Variants in GRAMD1B observed in about 807,000 individuals in gnomAD.
GRAMD1B encodes GRAM domain containing 1B.
GRAMD1B carries 37 observed loss-of-function variants against 99.7 expected under a neutral mutation model. The observed-to-expected ratio is 0.37, with a 90% confidence interval of 0.29 to 0.49. GRAMD1B has a LOEUF of 0.49. GRAMD1B is among the 20% of genes least tolerant of loss of function. GRAMD1B has a pLI of 0.98. For missense variants in GRAMD1B, 888 were observed against 1,009.2 expected, an observed-to-expected ratio of 0.88 and a Z score of 1.63; for synonymous variants, 427 against 387.6, an observed-to-expected ratio of 1.10 and a Z score of -1.19.
At chr11:123,395,624 T>C (rs755154191) in intron 1 of GRAMD1B, among the ~76,000 whole-genome samples, 1 of 152,220 alleles carries the variant, frequency 6.6e-6, no homozygotes, top group Non-Finnish European at 1.5e-5. Flanking sequence ...TTTTCAATCT[T>C]AGCTTTCCAT....
chr11:123,566,567 C>T (rs1192142268), intron 2 of GRAMD1B, among the ~76,000 whole-genome samples: 1 of 152,108 alleles, frequency 6.6e-6, no homozygotes. Context: ...GAGATCGAGA[C>T]CATCCTGGCT....
At chr11:123,455,643 A>G (rs1032420432) in intron 1 of GRAMD1B, among the ~76,000 whole-genome samples, 3 of 152,156 alleles carry the variant, frequency 2.0e-5, no homozygotes, top group Admixed American at 2.0e-4. Flanking sequence ...CTCTGCCCTT[A>G]ACATATTTTT....
At chr11:123,404,199 C>T (rs548808960) in intron 1 of GRAMD1B, among the ~76,000 whole-genome samples, 48 of 152,180 alleles carry the variant, frequency 3.2e-4, no homozygotes, top group Non-Finnish European at 5.1e-4. Context: ...TTGAGAAGCA[C>T]GTAATGCCTG....
intron 1 of GRAMD1B, 94 bp downstream of exon 1, chr11:123,431,260 G>A: frequency 1.7e-6 from 1 of 600,850 alleles, no homozygotes; most frequent in African/African-American, 1.9e-5. Context: ...ACGTCCTGGG[G>A]GAGAACAGGA....
chr11:123,487,936 C>T (rs1591683024), intron 2 of GRAMD1B, among the ~76,000 whole-genome samples: 2 of 152,152 alleles, frequency 1.3e-5, no homozygotes, highest in African/African-American at 4.8e-5. Context: ...AAACTGAGCA[C>T]CCGAGTGTCT....
chr11:123,498,122 C>A (rs987232950), intron 2 of GRAMD1B, among the ~76,000 whole-genome samples: 1 of 152,172 alleles, frequency 6.6e-6, no homozygotes, highest in East Asian at 1.9e-4. Context: ...GGGACCCACC[C>A]TTCAGGGCAG....
chr11:123,480,377 C>A (rs1796901051), intron 1 of GRAMD1B, among the ~76,000 whole-genome samples: 1 of 152,110 alleles, frequency 6.6e-6, no homozygotes, highest in Non-Finnish European at 1.5e-5. Context: ...GAATCTCCCT[C>A]CTCCCACACA....
intron 2 of GRAMD1B, among the ~76,000 whole-genome samples, chr11:123,485,582 T>C (rs1358761547): frequency 6.6e-5 from 10 of 152,210 alleles, no homozygotes; most frequent in Non-Finnish European, 1.5e-5. Context: ...GGGTTGATTT[T>C]TATGAAAATG....
chr11:123,492,756 A>C lies in GRAMD1B; in HGVS notation c.452+11863A>C, dbSNP rs1017751539. Among the ~76,000 whole-genome samples the C allele has an allele frequency of 6.6e-6, 1 of 152,116 alleles. No individual in the cohort carries two copies. The highest frequency in any genetic ancestry group is 1.5e-5 in the Non-Finnish European group (1 of 68,018). On this transcript the variant is annotated intron_variant, in intron 2 of 19. Coordinates refer to ENST00000635736, the MANE Select transcript of GRAMD1B (RefSeq NM_001387025.1). The surrounding 1 kb of genome is among the most constrained non-coding windows in gnomAD (Gnocchi z 4.2). ...ATGAAGTGAGGAGAGAAAAGGAAGG[A>C]GAAAGGCAGAAAGAGGGGCCAAATG...
At position 123,610,014 on chromosome 11, in the gene GRAMD1B, G is replaced by A; in HGVS notation, c.1776+101G>A. ...GTCAGGAAGAAGTTTCAGGGCGCAA[G>A]TGTCATTTTGCCCCAAAGCGGTGGT... On this transcript the variant is annotated intron_variant, in intron 13 of 19. Transcript: ENST00000635736. This position sits in a 1 kb window ranked among gnomAD's most constrained non-coding sequence, Gnocchi z 4.1. 1 of 855,710 alleles carries A rather than the reference G, an allele frequency of 1.2e-6. No individual in the cohort carries two copies. Among genetic ancestry groups the A allele is most frequent in the East Asian group, 2.7e-5 (1 of 37,624 alleles). 53.0% of individuals were successfully genotyped at this position (855,710 alleles called of 1,614,324 possible). A position where few individuals can be genotyped will look rare whatever the true frequency, so the allele number is the denominator to read the frequency against.
At chr11:123,422,614 A>G (rs1389254795) in intron 1 of GRAMD1B, among the ~76,000 whole-genome samples, 2 of 152,208 alleles carry the variant, frequency 1.3e-5, no homozygotes, top group Admixed American at 6.5e-5. Context: ...TACATTCATT[A>G]TGCTCCAAAT....
In GRAMD1B at chr11:123,613,491, C is replaced by T; in HGVS notation, c.2060C>T (p.Ala687Val). The T allele has an allele frequency of 6.2e-7, 1 of 1,612,810 alleles. No homozygotes were observed. Among genetic ancestry groups the T allele is most frequent in the Non-Finnish European group, 8.5e-7 (1 of 1,179,464 alleles). The change falls in exon 16 of 20, where the codon GCT becomes GTT. Residue 687 changes from alanine to valine, a missense_variant. Ala to Val is a moderately conservative substitution (Grantham distance 64). Transcript: ENST00000635736. Reference protein sequence around the residue: ...ELAKTESTYLAEMHRQSPKEK... With the variant: ...ELAKTESTYLVEMHRQSPKEK... ...GCCAAAACGGAGAGCACTTATTTGG[C>T]TGAGATGCACAGACAATCTCCCAAA...
intron 2 of GRAMD1B, among the ~76,000 whole-genome samples, chr11:123,505,701 G>A (rs926277826): frequency 9.9e-5 from 15 of 152,260 alleles, no homozygotes; most frequent in East Asian, 3.9e-4. Context: ...CAGAATTCAA[G>A]CTGAAACTCT....
chr11:123,499,347 C>T (rs573328274), intron 2 of GRAMD1B, among the ~76,000 whole-genome samples: 119 of 152,258 alleles, frequency 7.8e-4, no homozygotes, highest in African/African-American at 2.7e-3. Context: ...CAGAACTATA[C>T]GAAATAAATT....
At chr11:123,545,870 A>G (rs1273359741) in intron 2 of GRAMD1B, among the ~76,000 whole-genome samples, 5 of 152,226 alleles carry the variant, frequency 3.3e-5, no homozygotes, top group Non-Finnish European at 7.3e-5. Context: ...ATGACCAGCA[A>G]TTCTCTGAGC....
At chr11:123,537,066 A>ATTGT (rs1316582849) in intron 2 of GRAMD1B, among the ~76,000 whole-genome samples, 5 of 152,112 alleles carry the variant, frequency 3.3e-5, no homozygotes, top group Non-Finnish European at 5.9e-5. Context: ...TCTTGAATTA[A>ATTGT]TTGTTTGTTT....
At chr11:123,512,854 T>A (rs75730102) in intron 2 of GRAMD1B, among the ~76,000 whole-genome samples, 2,185 of 152,158 alleles carry the variant, frequency 0.014, 76 homozygotes, top group African/African-American at 0.05. Context: ...GTAGGCAGAA[T>A]TTTGTATCTC....
chr11:123,568,204 A>G (rs1947614378), intron 2 of GRAMD1B, among the ~76,000 whole-genome samples: 1 of 152,226 alleles, frequency 6.6e-6, no homozygotes, highest in African/African-American at 2.4e-5. Context: ...GCCCTGAATT[A>G]TCTACACAGT....
rs192226546 is a variant in GRAMD1B, at chr11:123,624,666, C to T, written c.*2071C>T. ...GGTGCAGACTGCTGGAAATCTCCCC[C>T]TTGGCACAGCCAGAAGCCAAAACTA... On this transcript the variant is annotated 3_prime_UTR_variant, in exon 20 of 20. Coordinates refer to ENST00000635736, the MANE Select transcript of GRAMD1B (RefSeq NM_001387025.1). 2 of 152,332 alleles carry T rather than the reference C, an allele frequency of 1.3e-5. No individual in the cohort carries two copies. Among genetic ancestry groups the T allele is most frequent in the African/African-American group, 4.8e-5 (2 of 41,574 alleles). 9.4% of individuals were successfully genotyped at this position (152,332 alleles called of 1,614,324 possible).
Sources: gnomAD v4.1 joint callset for allele counts (sites outside exome capture counted in the v4.1 genomes callset) on GRCh38, gnomAD v4.1.1 for gene constraint, Gnocchi (gnomAD v3.1) non-coding constraint, MANE v1.5 for transcripts, NCBI Gene and HGNC (gene_info 2026-07-23, HGNC 2026-07-21) for gene names.